The following GUCY2F variants were observed in gnomAD, a reference collection of about 807,000 sequenced individuals.
GUCY2F encodes the protein guanylate cyclase 2F, retinal.
GUCY2F carries 61 observed loss-of-function variants against 73.1 expected under a neutral mutation model. The observed-to-expected ratio is 0.83, with a 90% confidence interval of 0.68 to 1.03. The LOEUF (loss-of-function observed/expected upper bound fraction) is 1.03, where lower values mean the gene tolerates loss of function less well. Among genes scored for constraint, GUCY2F ranks in the 50% least tolerant of loss-of-function variants. The pLI, the probability that GUCY2F is intolerant of heterozygous loss-of-function variation, is 0.00. For missense variants in GUCY2F, 912 were observed against 854.3 expected (o/e 1.07, Z -0.84); for synonymous variants, 331 against 307.8 (o/e 1.08, Z -0.79).
intron 6 of GUCY2F, among the ~76,000 whole-genome samples, chrX:109,446,410 C>T (rs1389235501): frequency 1.3e-4 from 15 of 111,930 alleles, no homozygotes. Context: ...CAGCATGGTA[C>T]TGGTACCAAA....
chrX:109,393,984 C>T (rs1291696212), intron 12 of GUCY2F, among the ~76,000 whole-genome samples: 1 of 112,296 alleles, frequency 8.9e-6, no homozygotes, highest in Non-Finnish European at 1.9e-5. Flanking sequence ...CCCTTCTGAG[C>T]CTGGTTCACA....
intron 14 of GUCY2F, among the ~76,000 whole-genome samples, chrX:109,388,867 C>T (rs1393907021): frequency 9.0e-6 from 1 of 111,185 alleles, no homozygotes; most frequent in African/African-American, 3.3e-5. Context: ...GGCCCCACAC[C>T]AAGAGATTCT....
At chrX:109,401,227 G>A (rs955564190) in intron 10 of GUCY2F, among the ~76,000 whole-genome samples, 5 of 111,929 alleles carry the variant, frequency 4.5e-5, no homozygotes, top group African/African-American at 9.7e-5. Flanking sequence ...TTGAACTCTC[G>A]GGAAAACTAG....
At chrX:109,388,777 G>A in intron 14 of GUCY2F, 114 bp from the exon 15 acceptor site, 1 of 473,104 alleles carries the variant, frequency 2.1e-6, no homozygotes, top group Non-Finnish European at 3.7e-6. Flanking sequence ...GAGAAAGGCA[G>A]AGAGGGACTG....
intron 9 of GUCY2F, among the ~76,000 whole-genome samples, chrX:109,406,206 T>C (rs150313451): frequency 8.9e-6 from 1 of 111,816 alleles, no homozygotes; most frequent in East Asian, 2.8e-4. Flanking sequence ...ACCTTGGCTG[T>C]CAGGAATCTT....
intron 3 of GUCY2F, among the ~76,000 whole-genome samples, chrX:109,454,115 A>G (rs1482048234): frequency 1.8e-5 from 2 of 111,911 alleles, no homozygotes; most frequent in Non-Finnish European, 3.8e-5. Flanking sequence ...GTCATACATA[A>G]TATATTTTTA....
chrX:109,387,876 G>A (rs191926587), intron 15 of GUCY2F, among the ~76,000 whole-genome samples: 2 of 111,774 alleles, frequency 1.8e-5, no homozygotes, highest in Non-Finnish European at 3.8e-5. Flanking sequence ...ATTTTAGGGA[G>A]GCTTGTCATG....
chrX:109,455,721 T>TG (rs1258734320), intron 3 of GUCY2F, among the ~76,000 whole-genome samples: 15 of 111,548 alleles, frequency 1.3e-4, no homozygotes. Flanking sequence ...CTAACTTCCT[T>TG]GGTGATCTCT....
intron 8 of GUCY2F, among the ~76,000 whole-genome samples, chrX:109,414,128 T>C (rs141878109): frequency 0.025 from 2,718 of 109,967 alleles, 57 homozygotes; most frequent in Middle Eastern, 0.06. Flanking sequence ...CGTGCCACCA[T>C]GCCCAACTAA....
At chrX:109,376,238 GT>G in intron 17 of GUCY2F, 71 bp from the exon 18 acceptor site, 1 of 786,692 alleles carries the variant, frequency 1.3e-6, no homozygotes, top group Non-Finnish European at 1.9e-6. Context: ...AAGCATTCAG[GT>G]TGGCTCAGAA....
At chrX:109,375,106 T>A (rs1441234880) in intron 19 of GUCY2F, among the ~76,000 whole-genome samples, 1 of 108,819 alleles carries the variant, frequency 9.2e-6, no homozygotes, top group East Asian at 2.9e-4. Context: ...TCCAAGGATA[T>A]GTGGAGGGAG....
chrX:109,441,233 C>T (rs1931859900), intron 7 of GUCY2F, 118 bp downstream of exon 7: 1 of 409,663 alleles, frequency 2.4e-6, no homozygotes, highest in African/African-American at 2.6e-5. Context: ...ACACAGACAC[C>T]AAACTGGAAA....
intron 8 of GUCY2F, among the ~76,000 whole-genome samples, chrX:109,414,405 T>C (rs1427844444): frequency 8.9e-6 from 1 of 112,096 alleles, no homozygotes; most frequent in Non-Finnish European, 1.9e-5. Context: ...CTACCCACTA[T>C]CTAACACCCA....
intron 8 of GUCY2F, among the ~76,000 whole-genome samples, chrX:109,413,185 A>T (rs12832598): frequency 0.015 from 1,723 of 112,373 alleles, 16 homozygotes; most frequent in Non-Finnish European, 0.021. Flanking sequence ...CCATATAAAG[A>T]GCAGGTAGAT....
intron 10 of GUCY2F, among the ~76,000 whole-genome samples, chrX:109,400,687 T>A (rs1212447455): frequency 9.0e-6 from 1 of 111,596 alleles, no homozygotes; most frequent in Admixed American, 9.5e-5. Flanking sequence ...ACCAGACCCC[T>A]CTGAGCTTCC....
At chrX:109,403,976 G>T (rs1008016525) in intron 10 of GUCY2F, among the ~76,000 whole-genome samples, 1 of 111,848 alleles carries the variant, frequency 8.9e-6, no homozygotes, top group African/African-American at 3.3e-5. Context: ...ACGTTGTGGG[G>T]GTCCAGCTTC....
intron 16 of GUCY2F, 63 bp from the exon 17 acceptor site, chrX:109,382,275 G>A: frequency 3.2e-6 from 2 of 623,636 alleles, no homozygotes; most frequent in South Asian, 2.4e-5. Flanking sequence ...ATGAGAAAAT[G>A]TCAATGTAAT....
At chrX:109,416,933 C>CAAAAAA (rs367707786) in intron 8 of GUCY2F, among the ~76,000 whole-genome samples, 783 of 57,381 alleles carry the variant, frequency 0.014, 4 homozygotes, top group East Asian at 0.042. Flanking sequence ...CAAAGAAATG[C>CAAAAAA]AAAAAAAAAA....
At position 109,476,588 on chromosome X, in the gene GUCY2F, G is replaced by C. The variant is rs771434515; in HGVS notation, c.-85-567C>G. On this transcript the variant is annotated intron_variant, in intron 1 of 19. Transcript: ENST00000218006. ...CCAGATTTCAGGGGAGGAGAGAAGG[G>C]AGGAAGAACAGTCTCTCTGGATTGA... Among the ~76,000 whole-genome samples the C allele has an allele frequency of 4.5e-5, 5 of 110,965 alleles. No homozygotes were observed. The Admixed American group carries it at 4.8e-4, about 11-fold the overall frequency.
Sources: gnomAD v4.1 joint callset for allele counts (sites outside exome capture counted in the v4.1 genomes callset) on GRCh38, gnomAD v4.1.1 for gene constraint, MANE v1.5 for transcripts, NCBI Gene and HGNC (gene_info 2026-07-23, HGNC 2026-07-21) for gene names.